NOL4: variants seen among roughly 807,000 people sequenced by gnomAD.
NOL4 encodes the protein cancer/testis antigen 125.
NOL4 carries 17 observed loss-of-function variants against 75.9 expected under a neutral mutation model. The observed-to-expected ratio is 0.22, with a 90% CI of 0.15 to 0.34. NOL4 has a LOEUF of 0.34. NOL4 is among the 10% of genes least tolerant of loss of function. The pLI, the probability that NOL4 is intolerant of heterozygous loss-of-function variation, is 1.00. For synonymous variants in NOL4, 292 were observed against 289.9 expected (o/e 1.01, Z -0.07); for missense variants, 614 against 793.5 (o/e 0.77, Z 2.72).
intron 9 of NOL4, among the ~76,000 whole-genome samples, chr18:33,934,469 T>TTATA (rs2067921114): frequency 6.6e-6 from 1 of 152,190 alleles, no homozygotes; most frequent in Non-Finnish European, 1.5e-5. Context: ...TTCACTACGA[T>TTATA]GATGTAGTGA....
In NOL4 at chr18:34,104,036, T is replaced by C; in HGVS notation, c.639+11A>G. On this transcript the variant is annotated intron_variant, in intron 4 of 10. Coordinates refer to ENST00000261592, the MANE Select transcript of NOL4 (RefSeq NM_003787.5). ...TTGTAAGTAATACAAATGTAGATGTTTTTATTTTACCTCATCTTGCTGTGA... is the reference window on the plus strand; with the variant it reads ...TTGTAAGTAATACAAATGTAGATGTCTTTATTTTACCTCATCTTGCTGTGA... The C allele has an allele frequency of 1.3e-6, 2 of 1,581,018 alleles. No homozygotes were observed. The highest frequency in any genetic ancestry group is 1.7e-6 in the Non-Finnish European group (2 of 1,150,728).
chr18:34,079,216 T>C (rs570045456), intron 5 of NOL4, among the ~76,000 whole-genome samples: 3 of 152,220 alleles, frequency 2.0e-5, no homozygotes, highest in African/African-American at 7.2e-5. Context: ...AGGAGGCAAG[T>C]GTATTCTCCC....
chr18:34,042,358 C>T (rs539957900), intron 5 of NOL4, among the ~76,000 whole-genome samples: 29 of 151,962 alleles, frequency 1.9e-4, no homozygotes, highest in Non-Finnish European at 4.1e-4. Flanking sequence ...AAAACTGTGC[C>T]AGAAAACATG....
At chr18:33,951,120 C>G (rs147352551) in intron 8 of NOL4, among the ~76,000 whole-genome samples, 1 of 152,254 alleles carries the variant, frequency 6.6e-6, no homozygotes, top group Non-Finnish European at 1.5e-5. Flanking sequence ...CAGATGCTCA[C>G]CAATGCTGCT....
intron 9 of NOL4, among the ~76,000 whole-genome samples, chr18:33,908,715 C>G (rs533353952): frequency 3.2e-4 from 48 of 152,108 alleles, no homozygotes; most frequent in African/African-American, 1.2e-3. Flanking sequence ...AGTGATAATG[C>G]TTTTATATTA....
chr18:33,869,112 T>C (rs554766955), intron 10 of NOL4, among the ~76,000 whole-genome samples: 1 of 151,886 alleles, frequency 6.6e-6, no homozygotes, highest in East Asian at 1.9e-4. Context: ...ATATTTTAAG[T>C]CCCTCAAATT....
intron 1 of NOL4, among the ~76,000 whole-genome samples, chr18:34,214,313 G>C (rs2036725471): frequency 7.3e-6 from 1 of 136,598 alleles, no homozygotes; most frequent in African/African-American, 3.0e-5. Flanking sequence ...TTTAAATATA[G>C]TTTATAATGG....
At chr18:33,861,181 A>G (rs1158248749) in intron 10 of NOL4, among the ~76,000 whole-genome samples, 1 of 151,982 alleles carries the variant, frequency 6.6e-6, no homozygotes, top group African/African-American at 2.4e-5. Flanking sequence ...TTCTTTTTCT[A>G]TTGATTGGAA....
chr18:34,180,143 C>G (rs1003739502), intron 1 of NOL4, among the ~76,000 whole-genome samples: 1 of 151,456 alleles, frequency 6.6e-6, no homozygotes, highest in African/African-American at 2.4e-5. Context: ...TTCTATAAGG[C>G]AAGTATTAGC....
chr18:33,961,203 A>C (rs2070097392), intron 6 of NOL4, among the ~76,000 whole-genome samples: 1 of 152,120 alleles, frequency 6.6e-6, no homozygotes, highest in African/African-American at 2.4e-5. Context: ...CACGGTGTCC[A>C]GGTATTTGGC....
chr18:33,930,176 T>C (rs1267848885), intron 9 of NOL4, among the ~76,000 whole-genome samples: 1 of 152,168 alleles, frequency 6.6e-6, no homozygotes, highest in South Asian at 2.1e-4. Context: ...ACTGGTGATA[T>C]CTATCTGTAA....
At chr18:33,927,996 T>C (rs2067447849) in intron 9 of NOL4, among the ~76,000 whole-genome samples, 3 of 152,176 alleles carry the variant, frequency 2.0e-5, no homozygotes, top group African/African-American at 7.2e-5. Context: ...ACATATATTG[T>C]TGTTTCACAG....
Position 34,044,446 on chromosome 18 carries a change from T to A in NOL4, c.773-24845A>T, listed in dbSNP as rs184231295. Among the ~76,000 whole-genome samples the A allele has an allele frequency of 2.2e-4, 34 of 152,120 alleles. No individual in the cohort carries two copies. The East Asian group carries it at 6.4e-3, about 29-fold the overall frequency. Reference sequence around the variant, plus strand: ...AGTATAAAACTTCCCAAATTAAAAGTTATTAAATTTTAGAACTGTCAGACT... The same window carrying A: ...AGTATAAAACTTCCCAAATTAAAAGATATTAAATTTTAGAACTGTCAGACT... On this transcript the variant is annotated intron_variant, in intron 5 of 10. Coordinates refer to ENST00000261592, the MANE Select transcript of NOL4 (RefSeq NM_003787.5).
At position 34,093,514 on chromosome 18, in the gene NOL4, A is replaced by G; in HGVS notation, c.723T>C (p.Asn241=). 1 of 1,608,056 alleles carries G rather than the reference A, an allele frequency of 6.2e-7. No homozygotes were observed. The highest frequency in any genetic ancestry group is 1.1e-5 in the South Asian group (1 of 90,366). The change falls in exon 5 of 11, where the codon AAT becomes AAC. Residue 241 remains asparagine, a synonymous_variant. Transcript: ENST00000261592. ...MSAVNSDLSS[N]LEERMQSPQN... is the part of the protein sequence containing the mutation. ...GGGGACTTTGCATTCTTTCTTCAAG[A>G]TTGGAGCTAAGATCAGAGTTCACAG...
chr18:34,137,819 C>T (rs1000102489), intron 1 of NOL4, among the ~76,000 whole-genome samples: 2 of 151,838 alleles, frequency 1.3e-5, no homozygotes, highest in African/African-American at 4.8e-5. Flanking sequence ...CGCACGCACA[C>T]ATACACACAT....
At chr18:33,961,422 G>A (rs1285511915) in intron 6 of NOL4, among the ~76,000 whole-genome samples, 1 of 152,080 alleles carries the variant, frequency 6.6e-6, no homozygotes, top group Admixed American at 6.6e-5. Flanking sequence ...TGACTGCTGA[G>A]CTAAGAGACT....
chr18:34,211,585 G>T (rs1023073745), intron 1 of NOL4, among the ~76,000 whole-genome samples: 2 of 152,046 alleles, frequency 1.3e-5, no homozygotes. Flanking sequence ...GAACCAATAA[G>T]GTTGTTCCTT....
At chr18:34,091,886 A>T (rs2078539116) in intron 5 of NOL4, among the ~76,000 whole-genome samples, 1 of 152,284 alleles carries the variant, frequency 6.6e-6, no homozygotes, top group African/African-American at 2.4e-5. Context: ...CTAAGAGTAT[A>T]TAATATTTGG....
intron 1 of NOL4, among the ~76,000 whole-genome samples, chr18:34,182,027 A>G (rs184701997): frequency 6.6e-6 from 1 of 151,748 alleles, no homozygotes; most frequent in East Asian, 1.9e-4. Flanking sequence ...GCACAAACTG[A>G]CCATATGACC....
Sources: allele counts gnomAD v4.1 joint callset (sites outside exome capture counted in the v4.1 genomes callset), GRCh38; gene constraint gnomAD v4.1.1; transcripts MANE v1.5; gene names NCBI Gene and HGNC (gene_info 2026-07-23, HGNC 2026-07-21).